CERK: variants seen among roughly 807,000 people sequenced by gnomAD.
The protein encoded by CERK is ceramide kinase, also known as acylsphingosine kinase.
CERK carries 39 observed loss-of-function variants against 63.4 expected under a neutral mutation model. That is an observed-to-expected ratio of 0.61 (90% CI 0.48 to 0.80). The LOEUF is 0.80. Ranked by LOEUF, CERK falls within the 30% of genes least tolerant of loss-of-function variation. The pLI is 0.00. For synonymous variants in CERK, 302 were observed against 280.0 expected (o/e 1.08, Z -0.78); for missense variants, 670 against 714.1 (o/e 0.94, Z 0.70).
In CERK at chr22:46,691,315, C is replaced by T. The variant is rs568631749; in HGVS notation, c.1332+257G>A. Among the ~76,000 whole-genome samples the T allele has an allele frequency of 4.9e-4, 75 of 152,234 alleles. 1 individual carries two copies. In the South Asian group the frequency reaches 0.013, roughly 27 times the overall value. Reference sequence around the variant, plus strand: ...CTCAAACTCCTGACCTCGGGTGATCCGCCTGCCTCAGCCTCCCAAAGTGCT... The same window carrying T: ...CTCAAACTCCTGACCTCGGGTGATCTGCCTGCCTCAGCCTCCCAAAGTGCT... On this transcript the variant is annotated intron_variant, in intron 11 of 12. Coordinates refer to ENST00000216264, the MANE Select transcript of CERK (RefSeq NM_022766.6).
intron 9 of CERK, chr22:46,693,909 C>T (rs1046168159): frequency 9.1e-6 from 2 of 219,648 alleles, no homozygotes; most frequent in African/African-American, 4.7e-5. Flanking sequence ...CAGTCAATAA[C>T]AAGCAAATAA....
chr22:46,702,263 G>C (rs1466129255), intron 6 of CERK, among the ~76,000 whole-genome samples: 3 of 144,718 alleles, frequency 2.1e-5, no homozygotes, highest in African/African-American at 7.8e-5. Context: ...GTGTGTGTGT[G>C]TGTGAACATT....
intron 10 of CERK, among the ~76,000 whole-genome samples, chr22:46,692,037 A>G (rs970228679): frequency 6.6e-6 from 1 of 152,236 alleles, no homozygotes; most frequent in Admixed American, 6.5e-5. Context: ...TGGACAATTT[A>G]GAACAAGGGT....
chr22:46,689,649 TAGG>T (rs915462557), intron 12 of CERK, among the ~76,000 whole-genome samples: 1 of 151,972 alleles, frequency 6.6e-6, no homozygotes, highest in African/African-American at 2.4e-5. Flanking sequence ...TTGAATTATT[TAGG>T]AGAAGAGAGA....
rs1157743741 is a variant in CERK at position 46,720,104 on chromosome 22, C to T, written c.361G>A (p.Glu121Lys). The change falls in exon 3 of 13, where the codon GAG becomes AAG. Residue 121 changes from glutamate (E) to lysine (K), a missense_variant. Glu to Lys is a moderately conservative substitution (Grantham distance 56). Transcript: ENST00000216264. Reference sequence around the variant, plus strand: ...CACGTACTCAGCTTCTCCAGCATCTCCCGCAGGGTCTGCAGCCACAAGTGA... The same window carrying T: ...CACGTACTCAGCTTCTCCAGCATCTTCCGCAGGGTCTGCAGCCACAAGTGA... Reference protein sequence around the residue: ...LCHLWLQTLREMLEKLTSRPK... With the variant: ...LCHLWLQTLRKMLEKLTSRPK... The T allele has an allele frequency of 1.1e-5, 18 of 1,613,980 alleles. No individual in the cohort carries two copies. Among genetic ancestry groups the T allele is most frequent in the Non-Finnish European group, 1.5e-5 (18 of 1,179,990 alleles).
chr22:46,734,181 T>A (rs2080581), intron 1 of CERK, among the ~76,000 whole-genome samples: 71,767 of 151,708 alleles, frequency 0.47, 19,321 homozygotes, highest in Non-Finnish European at 0.6. Flanking sequence ...TTTATCCACA[T>A]AGTCAAGGTG....
chr22:46,694,188 T>G (rs1451199302), intron 9 of CERK, among the ~76,000 whole-genome samples: 2 of 152,132 alleles, frequency 1.3e-5, no homozygotes, highest in Non-Finnish European at 2.9e-5. Context: ...GTGAGTGTCC[T>G]TCACAAAGGC....
intron 1 of CERK, among the ~76,000 whole-genome samples, chr22:46,737,745 C>G (rs1274083501): frequency 6.6e-6 from 1 of 152,162 alleles, no homozygotes; most frequent in African/African-American, 2.4e-5. Flanking sequence ...CCCACCTCCC[C>G]GCGGGGATGG....
chr22:46,730,255 T>TAAA (rs67082892), intron 1 of CERK, among the ~76,000 whole-genome samples: 2 of 128,428 alleles, frequency 1.6e-5, no homozygotes, highest in Non-Finnish European at 3.2e-5. Flanking sequence ...CTGTCTCTAC[T>TAAA]AAAAAAAAAA....
rs369379003 is a variant in CERK, at chr22:46,701,630, G to T, written c.790+6C>A. 6.4e-7 allele frequency: 1 copy of T among 1,554,450 alleles called. No individual in the cohort carries two copies. Among genetic ancestry groups the T allele is most frequent in the Non-Finnish European group, 8.7e-7 (1 of 1,149,044 alleles). ...CACCGTGCGCATGCGCAGAGGAGGG[G>T]CTCACCAACAACGATATGCAGCGCC... On this transcript the variant is annotated splice_donor_region_variant and intron_variant, in intron 7 of 12. Coordinates refer to ENST00000216264, the MANE Select transcript of CERK (RefSeq NM_022766.6).
intron 6 of CERK, among the ~76,000 whole-genome samples, chr22:46,702,063 A>C (rs1445738338): frequency 2.0e-5 from 3 of 151,020 alleles, no homozygotes; most frequent in Non-Finnish European, 2.9e-5. Flanking sequence ...CACCTATAAT[A>C]CCAGCTCCTC....
At chr22:46,693,081 T>C (rs980535469) in intron 10 of CERK, among the ~76,000 whole-genome samples, 4 of 152,206 alleles carry the variant, frequency 2.6e-5, no homozygotes, top group Non-Finnish European at 5.9e-5. Flanking sequence ...ACAGAGACTG[T>C]GTGGTTGCCA....
In CERK at chr22:46,707,931, C is replaced by A. The variant is rs557333556; in HGVS notation, c.627G>T (p.Gly209=). 4 of 1,613,928 alleles carry A rather than the reference C, an allele frequency of 2.5e-6. No individual in the cohort carries two copies. The Admixed American group carries it at 6.7e-5, about 27-fold the overall frequency. The stretch of plus-strand genomic sequence containing the variant: ...CGACCCCGGCGCTCCTCTGCGTCCT[C>A]CCAATCAGACCGTGCAGCACCTCGC... ...MFSEVLHGLI[G]RTQRSAGVDQ... Residue 209 remains glycine, a synonymous_variant, in exon 6 of 13, where the codon GGG becomes GGT. Coordinates refer to ENST00000216264, the MANE Select transcript of CERK (RefSeq NM_022766.6).
intron 1 of CERK, among the ~76,000 whole-genome samples, chr22:46,732,878 T>C (rs1279984813): frequency 1.3e-5 from 2 of 152,144 alleles, no homozygotes; most frequent in Non-Finnish European, 1.5e-5. Context: ...TCTGCCTTTT[T>C]TCCTATCAAT....
chr22:46,713,244 C>T (rs2082850476), intron 3 of CERK, among the ~76,000 whole-genome samples: 3 of 152,058 alleles, frequency 2.0e-5, no homozygotes, highest in Admixed American at 2.0e-4. Context: ...GTGGCTCATG[C>T]CTGTAATCCC....
chr22:46,708,981 C>G (rs545676446), intron 5 of CERK, among the ~76,000 whole-genome samples: 1 of 152,174 alleles, frequency 6.6e-6, no homozygotes, highest in Non-Finnish European at 1.5e-5. Context: ...CGACCAGTCT[C>G]CAGGGCTGGG....
intron 8 of CERK, among the ~76,000 whole-genome samples, chr22:46,698,447 A>G (rs143317687): frequency 1.3e-5 from 2 of 152,364 alleles, no homozygotes; most frequent in East Asian, 3.9e-4. Flanking sequence ...GCTACGGTGT[A>G]ACCCCAACAA....
intron 9 of CERK, 64 bp from the exon 10 acceptor site, chr22:46,693,567 C>T: frequency 7.8e-7 from 1 of 1,287,606 alleles, no homozygotes; most frequent in Non-Finnish European, 1.1e-6. Flanking sequence ...GTATGCTTGG[C>T]ACATATAGAT....
intron 3 of CERK, among the ~76,000 whole-genome samples, chr22:46,715,195 C>G (rs2082860599): frequency 6.6e-6 from 1 of 152,164 alleles, no homozygotes. Flanking sequence ...CCCCTGAGAT[C>G]AGGACTGAGA....
Sources: allele counts gnomAD v4.1 joint callset (sites outside exome capture counted in the v4.1 genomes callset), GRCh38; gene constraint gnomAD v4.1.1; transcripts MANE v1.5; gene names NCBI Gene and HGNC (gene_info 2026-07-23, HGNC 2026-07-21).